Variants in NDEL1 observed in about 807,000 individuals in gnomAD.
NDEL1 encodes nuclear distribution protein nudE-like 1.
Under a neutral mutation model 45.7 loss-of-function variants are expected in NDEL1, and 9 were observed. The observed-to-expected ratio is 0.20, with a 90% CI of 0.12 to 0.34. The LOEUF is 0.34. Among genes scored for constraint, NDEL1 ranks in the 10% least tolerant of loss-of-function variants. The pLI is 1.00. For synonymous variants in NDEL1, 133 were observed against 158.6 expected (o/e 0.84, Z 1.21); for missense variants, 306 against 406.2 (o/e 0.75, Z 2.12).
chr17:8,430,997 A>G (rs1908985898), upstream of NDEL1, among the ~76,000 whole-genome samples: 1 of 152,308 alleles, frequency 6.6e-6, no homozygotes, highest in South Asian at 2.1e-4. Flanking sequence ...AAGCCCGTTC[A>G]TTAAGATAAG....
At position 8,420,396 on chromosome 17, in the gene NDEL1, T is replaced by A. The variant is rs565867820; in HGVS notation, c.-13+7127T>A. Among the ~76,000 whole-genome samples, 4 of 152,372 alleles carry A rather than the reference T, an allele frequency of 2.6e-5. No homozygotes were observed. In the East Asian group the frequency reaches 7.7e-4, roughly 29 times the overall value. On this transcript the variant is annotated intron_variant, in intron 1 of 4. Coordinates refer to the NDEL1 transcript ENST00000582812. ...ATTCAATAAATGATAGCTATTTTTT[T>A]AAATTGCATGCTGACTGTTATGTAA...
chr17:8,470,713 C>T (rs549348888), downstream of NDEL1, among the ~76,000 whole-genome samples: 2 of 152,328 alleles, frequency 1.3e-5, no homozygotes, highest in African/African-American at 4.8e-5. This position sits in a 1 kb window ranked among gnomAD's most constrained non-coding sequence, Gnocchi z 4.2. Flanking sequence ...CTGTGCCTTT[C>T]CAGACTTGAG....
downstream of NDEL1, among the ~76,000 whole-genome samples, chr17:8,471,978 G>A (rs1458592705): frequency 1.3e-5 from 2 of 152,196 alleles, no homozygotes; most frequent in Non-Finnish European, 2.9e-5. Flanking sequence ...GGCCTCGCAA[G>A]GGGAGACCTG....
At chr17:8,421,078 A>G (rs1218524036) in intron 1 of NDEL1, among the ~76,000 whole-genome samples, 1 of 152,244 alleles carries the variant, frequency 6.6e-6, no homozygotes, top group Non-Finnish European at 1.5e-5. Context: ...TAGGGAAAAT[A>G]TGATTAACAT....
downstream of NDEL1, among the ~76,000 whole-genome samples, chr17:8,471,358 A>T (rs1229895446): frequency 6.6e-6 from 1 of 152,148 alleles, no homozygotes; most frequent in East Asian, 1.9e-4. Context: ...GCTGTGCTTT[A>T]TCGATCTTTC....
intron 1 of NDEL1, among the ~76,000 whole-genome samples, chr17:8,438,059 A>G (rs1196536691): frequency 6.6e-6 from 1 of 152,096 alleles, no homozygotes; most frequent in Admixed American, 6.5e-5. Flanking sequence ...CCTGGATTCA[A>G]GCGATTCTCC....
chr17:8,423,074 A>T (rs1270775989), intron 1 of NDEL1, among the ~76,000 whole-genome samples: 1 of 152,198 alleles, frequency 6.6e-6, no homozygotes, highest in East Asian at 1.9e-4. Context: ...GTTGTATCTC[A>T]TAGGGATGGA....
chr17:8,465,955 G>T lies in NDEL1; in HGVS notation c.945-975G>T. 6.5e-6 allele frequency: 1 copy of T among 153,318 alleles called. No homozygotes were observed. The allele number at this position is 153,318 out of a possible 1,614,324, so 9.5% of individuals were successfully genotyped here. On this transcript the variant is annotated intron_variant, in intron 8 of 8. Coordinates refer to ENST00000334527, the MANE Select transcript of NDEL1 (RefSeq NM_030808.5). The surrounding 1 kb of genome is among the most constrained non-coding windows in gnomAD (Gnocchi z 4.9). ...CATCGCTGGGCTCTGGGTGCGTGAT[G>T]GGGACGCTGGGGGGCTCCCTGTGTC... is the stretch of plus-strand genomic sequence containing the variant.
In NDEL1 at chr17:8,454,833, C is replaced by G. The variant is rs147468326; in HGVS notation, c.738C>G (p.Pro246=). The G allele has an allele frequency of 1.5e-3, 2,347 of 1,613,996 alleles. 1 individual carries two copies. Among genetic ancestry groups the G allele is most frequent in the Non-Finnish European group, 1.9e-3 (2,241 of 1,179,928 alleles). Reference sequence around the variant, plus strand: ...GTTTTGGTACCAGTCCACTAACTCCCTCTGCTAGGATATCAGCACTAAACA... The same window carrying G: ...GTTTTGGTACCAGTCCACTAACTCCGTCTGCTAGGATATCAGCACTAAACA... The part of the protein sequence containing the change: ...PNGFGTSPLT[P]SARISALNIV... Residue 246 remains proline (P), a synonymous_variant, in exon 7 of 9, where the codon CCC becomes CCG. Transcript: ENST00000334527.
intron 1 of NDEL1, among the ~76,000 whole-genome samples, chr17:8,417,992 C>G (rs1358649247): frequency 6.6e-6 from 1 of 152,144 alleles, no homozygotes; most frequent in African/African-American, 2.4e-5. Flanking sequence ...GTTTTTAGCC[C>G]CACCCTACCT....
chr17:8,423,780 A>C (rs567182498), intron 1 of NDEL1, among the ~76,000 whole-genome samples: 38 of 152,304 alleles, frequency 2.5e-4, no homozygotes, highest in Admixed American at 2.3e-3. Flanking sequence ...AGCAGAAGTG[A>C]ATTAATTCCT....
intron 1 of NDEL1, among the ~76,000 whole-genome samples, chr17:8,419,006 G>A (rs1392341790): frequency 1.3e-5 from 2 of 151,730 alleles, no homozygotes; most frequent in African/African-American, 4.8e-5. Flanking sequence ...ACACCACCAT[G>A]CCTGGCTATT....
chr17:8,453,773 G>A (rs774895297), intron 6 of NDEL1, among the ~76,000 whole-genome samples: 2 of 152,290 alleles, frequency 1.3e-5, no homozygotes, highest in East Asian at 1.9e-4. Flanking sequence ...AATAGTAAAT[G>A]TGCAAGAACA....
chr17:8,428,905 C>T (rs1391847819), intron 1 of NDEL1, among the ~76,000 whole-genome samples: 16 of 151,832 alleles, frequency 1.1e-4, no homozygotes, highest in Admixed American at 3.3e-4. Flanking sequence ...GATCTCCTGA[C>T]CTTGTGATCT....
At chr17:8,441,762 A>ACTAGC (rs1044901642) in intron 1 of NDEL1, among the ~76,000 whole-genome samples, 1 of 152,078 alleles carries the variant, frequency 6.6e-6, no homozygotes, top group Admixed American at 6.6e-5. Flanking sequence ...GGCCTGATGG[A>ACTAGC]CTAGGCTTCA....
intron 1 of NDEL1, among the ~76,000 whole-genome samples, chr17:8,427,875 T>C (rs530493458): frequency 6.6e-6 from 1 of 152,228 alleles, no homozygotes; most frequent in Non-Finnish European, 1.5e-5. Flanking sequence ...GATGAAAAAT[T>C]AAGATGCATT....
upstream of NDEL1, among the ~76,000 whole-genome samples, chr17:8,432,353 A>AATATATATATATATATATTAT (rs1909033429): frequency 8.5e-4 from 5 of 5,864 alleles, no homozygotes; most frequent in Non-Finnish European, 5.7e-3. Context: ...TATAAATATA[A>AATATATATATATATATATTAT]ATATAAATAT....
At chr17:8,434,553 G>T (rs555865045), upstream of NDEL1, among the ~76,000 whole-genome samples, 4 of 151,862 alleles carry the variant, frequency 2.6e-5, no homozygotes, top group African/African-American at 9.7e-5. Context: ...TCTCCTAAAG[G>T]AAAGGATTAC....
At chr17:8,418,575 G>A (rs923952943) in intron 1 of NDEL1, among the ~76,000 whole-genome samples, 1 of 152,142 alleles carries the variant, frequency 6.6e-6, no homozygotes, top group African/African-American at 2.4e-5. Flanking sequence ...AGGGCAGGAC[G>A]ACTGTTAAAT....
Sources: allele counts gnomAD v4.1 joint callset (sites outside exome capture counted in the v4.1 genomes callset), GRCh38; gene constraint gnomAD v4.1.1; non-coding constraint Gnocchi (gnomAD v3.1); transcripts MANE v1.5; gene names NCBI Gene and HGNC (gene_info 2026-07-23, HGNC 2026-07-21).